The following CRYBG3 variants were observed in gnomAD, a reference collection of about 807,000 sequenced individuals.
CRYBG3 encodes the protein crystallin beta-gamma domain containing 3.
Under a neutral mutation model 244.2 loss-of-function variants are expected in CRYBG3, and 127 were observed. The observed-to-expected ratio is 0.52, with a 90% confidence interval of 0.45 to 0.60. The LOEUF (loss-of-function observed/expected upper bound fraction) is 0.60. Among genes scored for constraint, CRYBG3 ranks in the 20% least tolerant of loss-of-function variants. CRYBG3 has a pLI of 0.00. For missense variants in CRYBG3, 3,325 were observed against 3,442.5 expected (o/e 0.97, Z 0.85); for synonymous variants, 1,132 against 1,195.8 (o/e 0.95, Z 1.10).
Position 97,875,426 on chromosome 3 carries a change from C to T in CRYBG3, c.4232C>T (p.Ser1411Phe). 2 of 1,396,654 alleles carry T rather than the reference C, an allele frequency of 1.4e-6. No individual in the cohort carries two copies. Among genetic ancestry groups the T allele is most frequent in the Non-Finnish European group, 1.8e-6 (2 of 1,083,574 alleles). The allele number at this position is 1,396,654 out of a possible 1,614,324, so 86.5% of individuals were successfully genotyped here. Residue 1411 changes from serine (S) to phenylalanine (F), a missense_variant, in exon 4 of 22, where the codon TCT becomes TTT. By Grantham distance (155) the Ser-to-Phe change is radical. This residue lies in a region of CRYBG3 where 635 missense variants were observed against 771.7 expected (regional missense o/e 0.82). Transcript: ENST00000389622. ...AAATCCCTATTTTCTGGAAATGGAT[C>T]TGGACTGTCTGATAGTATAAATTTG... ...YQKSLFSGNGSGLSDSINLQE... is the reference protein window; with the variant it reads ...YQKSLFSGNGFGLSDSINLQE...
rs2039351085 is a variant in CRYBG3 at position 97,874,801 on chromosome 3, T to C, written c.3607T>C (p.Leu1203=). 1.3e-6 allele frequency: 2 copies of C among 1,536,038 alleles called. No individual in the cohort carries two copies. The highest frequency in any genetic ancestry group is 1.7e-6 in the Non-Finnish European group (2 of 1,146,866). Residue 1203 remains leucine (L), a synonymous_variant, in exon 4 of 22, where the codon TTG becomes CTG. Coordinates refer to ENST00000389622, the MANE Select transcript of CRYBG3 (RefSeq NM_153605.4). ...KSSLLKKADT[L]IGEIFNSVRE... ...TAGTTTACTCAAAAAGGCCGATACA[T>C]TGATTGGTGAGATTTTTAATTCTGT...
rs373072500 is a variant in CRYBG3 at position 97,915,756 on chromosome 3, C to T, written c.8241+20C>T. ...GACTATGTAAGTACTTTGCAAAATG[C>T]ATACTTATAAGATTCTTTTTCTTGT... On this transcript the variant is annotated intron_variant, in intron 17 of 21. Coordinates refer to ENST00000389622, the MANE Select transcript of CRYBG3 (RefSeq NM_153605.4). 33 of 1,578,726 alleles carry T rather than the reference C, an allele frequency of 2.1e-5. No homozygotes were observed. The highest frequency in any genetic ancestry group is 2.2e-5 in the Non-Finnish European group (26 of 1,155,732).
chr3:97,874,250 A>G lies in CRYBG3; in HGVS notation c.3056A>G (p.Asn1019Ser), dbSNP rs1490634202. The stretch of plus-strand genomic sequence containing the variant: ...GATTCTGATTCCAGTTTGGAAAAAA[A>G]TTCTTCTGCATCTGAGGACTCAAGC... ...FLDSDSSLEK[N>S]SSASEDSSFL... The change falls in exon 4 of 22, where the codon AAT becomes AGT. Residue 1019 changes from asparagine (N) to serine (S), a missense_variant. By Grantham distance (46) the Asn-to-Ser change is conservative. Transcript: ENST00000389622. The G allele has an allele frequency of 1.3e-6, 2 of 1,535,060 alleles. No homozygotes were observed. Among genetic ancestry groups the G allele is most frequent in the African/African-American group, 1.4e-5 (1 of 72,968 alleles).
At chr3:97,897,394 C>A (rs538977164) in intron 12 of CRYBG3, among the ~76,000 whole-genome samples, 2 of 152,036 alleles carry the variant, frequency 1.3e-5, no homozygotes, top group African/African-American at 4.8e-5. Flanking sequence ...GTAGGGAGTA[C>A]TGTACCTGAG....
At chr3:97,824,372 A>G (rs1182181134) in intron 1 of CRYBG3, among the ~76,000 whole-genome samples, 1 of 152,232 alleles carries the variant, frequency 6.6e-6, no homozygotes, top group Non-Finnish European at 1.5e-5. Flanking sequence ...TTCTGTAGTG[A>G]TGATTTTAGA....
intron 2 of CRYBG3, 100 bp downstream of exon 2, chr3:97,843,361 C>G: frequency 1.4e-6 from 1 of 707,878 alleles, no homozygotes; most frequent in Non-Finnish European, 2.3e-6. Flanking sequence ...TCAAAAAGAA[C>G]ACTGTATAAT....
intron 16 of CRYBG3, 94 bp downstream of exon 16, chr3:97,912,370 T>G: frequency 1.8e-6 from 1 of 550,678 alleles, no homozygotes; most frequent in Admixed American, 3.8e-5. Flanking sequence ...AGTGAATCCT[T>G]AAAATTTATC....
At position 97,892,131 on chromosome 3, in the gene CRYBG3, C is replaced by A. The variant is rs831897; in HGVS notation, c.7441-729C>A. The stretch of plus-strand genomic sequence containing the variant: ...ATTCTTTGAAGAAATGCTTCAGGAT[C>A]TTTATCCCATTTGTTTAAATTTTCA... On this transcript the variant is annotated intron_variant, in intron 10 of 21. Coordinates refer to ENST00000389622, the MANE Select transcript of CRYBG3 (RefSeq NM_153605.4). 2.5e-3 allele frequency among the ~76,000 whole-genome samples: 379 copies of A among 152,244 alleles called. 3 individuals are homozygous for A. In the East Asian group the frequency reaches 0.025, roughly 10 times the overall value.
Position 97,873,760 on chromosome 3 carries a change from A to T in CRYBG3, c.2566A>T (p.Met856Leu). Residue 856 changes from methionine (M) to leucine (L), a missense_variant, in exon 4 of 22, where the codon ATG becomes TTG. Coordinates refer to ENST00000389622, the MANE Select transcript of CRYBG3 (RefSeq NM_153605.4). ...GCCCAGAAACATTTCTCAGGATAAA[A>T]TGTCTTCTTTTCCATTGAAAATTAC... ...VEPRNISQDKMSSFPLKITHV... is the reference protein window; with the variant it reads ...VEPRNISQDKLSSFPLKITHV... The T allele has an allele frequency of 6.5e-7, 1 of 1,535,234 alleles. No homozygotes were observed. The highest frequency in any genetic ancestry group is 8.7e-7 in the Non-Finnish European group (1 of 1,146,666).
rs1343588009 is a variant in CRYBG3, at chr3:97,874,732, G to A, written c.3538G>A (p.Glu1180Lys). 3 of 1,535,862 alleles carry A rather than the reference G, an allele frequency of 2.0e-6. No individual in the cohort carries two copies. Among genetic ancestry groups the A allele is most frequent in the Non-Finnish European group, 1.7e-6 (2 of 1,146,826 alleles). Residue 1180 changes from glutamate (E) to lysine (K), a missense_variant, in exon 4 of 22, where the codon GAA (glutamate) becomes AAA (lysine). This residue lies in a region of CRYBG3 where 1,526 missense variants were observed against 1,443.2 expected (regional missense o/e 1.06). Transcript: ENST00000389622. ...TTCTGAAGCCTCTGCTGAGCACATA[G>A]AAGCCAGGAGAAGAGCACATGACCA... The part of the protein sequence containing the change: ...QCSEASAEHI[E>K]ARRRAHDQLL...
chr3:97,899,369 GT>G lies in CRYBG3; in HGVS notation c.7971+107del. ...GGAGTTGTTGAATGATGTCATGTGT[GT>G]ATATAGAAAGAAAATGCAATATCAC... is the stretch of plus-strand genomic sequence containing the variant. On this transcript the variant is annotated intron_variant, in intron 14 of 21. Coordinates refer to ENST00000389622, the MANE Select transcript of CRYBG3 (RefSeq NM_153605.4). The G allele has an allele frequency of 3.3e-6, 4 of 1,219,204 alleles. No individual in the cohort carries two copies. In the Admixed American group the frequency reaches 7.4e-5, roughly 22 times the overall value. 75.5% of individuals were successfully genotyped at this position (1,219,204 alleles called of 1,614,324 possible).
chr3:97,910,129 A>G (rs1318325360), intron 15 of CRYBG3, among the ~76,000 whole-genome samples: 53 of 151,554 alleles, frequency 3.5e-4, no homozygotes, highest in East Asian at 1.2e-3. Context: ...CTGCGTGCTG[A>G]GAGAACCACT....
chr3:97,933,301 C>T (rs1212602819), intron 17 of CRYBG3, among the ~76,000 whole-genome samples: 1 of 151,940 alleles, frequency 6.6e-6, no homozygotes, highest in African/African-American at 2.4e-5. Context: ...AGTGACTGCT[C>T]CTGTGACCTC....
At chr3:97,859,413 A>C (rs1215340593) in intron 2 of CRYBG3, among the ~76,000 whole-genome samples, 1 of 152,204 alleles carries the variant, frequency 6.6e-6, no homozygotes, top group Admixed American at 6.5e-5. Flanking sequence ...GGGCTGCTTA[A>C]GGAGGTGACA....
chr3:97,844,838 G>A (rs917696800), intron 2 of CRYBG3, among the ~76,000 whole-genome samples: 4 of 152,136 alleles, frequency 2.6e-5, no homozygotes, highest in Non-Finnish European at 4.4e-5. Context: ...TGAGTGCCGA[G>A]GATAATTTCA....
chr3:97,906,557 G>A (rs1457708597), intron 15 of CRYBG3, among the ~76,000 whole-genome samples: 6 of 143,686 alleles, frequency 4.2e-5, no homozygotes, highest in Non-Finnish European at 9.1e-5. Flanking sequence ...GTCTGTTGTT[G>A]GTGTATAAGA....
rs2039333490 is a variant in CRYBG3 at position 97,873,707 on chromosome 3, T to C, written c.2513T>C (p.Leu838Ser). ...SHSGRGKTIS[L>S]SKVSLSKVEP... ...TCTGGAAGAGGAAAAACTATATCCT[T>C]GTCCAAGGTATCTCTTTCAAAAGTG... The change falls in exon 4 of 22, where the codon TTG (leucine) becomes TCG (serine). Residue 838 changes from leucine (L) to serine (S), a missense_variant. Coordinates refer to ENST00000389622, the MANE Select transcript of CRYBG3 (RefSeq NM_153605.4). 2.0e-6 allele frequency: 3 copies of C among 1,535,844 alleles called. No individual in the cohort carries two copies. Among genetic ancestry groups the C allele is most frequent in the Non-Finnish European group, 2.6e-6 (3 of 1,146,816 alleles).
intron 15 of CRYBG3, among the ~76,000 whole-genome samples, chr3:97,905,905 T>C (rs1008074705): frequency 6.2e-5 from 9 of 145,886 alleles, no homozygotes; most frequent in African/African-American, 2.3e-4. Flanking sequence ...TTAATCCATC[T>C]TGAATTGATT....
At chr3:97,885,406 G>A (rs2039496508) in intron 7 of CRYBG3, among the ~76,000 whole-genome samples, 1 of 152,100 alleles carries the variant, frequency 6.6e-6, no homozygotes, top group Non-Finnish European at 1.5e-5. Context: ...TAAAGCATAT[G>A]CATTTGAATC....
Sources: gnomAD v4.1 joint callset for allele counts (sites outside exome capture counted in the v4.1 genomes callset) on GRCh38, gnomAD v4.1.1 for gene constraint, gnomAD v4.1.1 regional missense constraint, MANE v1.5 for transcripts, NCBI Gene and HGNC (gene_info 2026-07-23, HGNC 2026-07-21) for gene names.